Variants in MAGI2 observed in about 807,000 individuals in gnomAD.
The protein encoded by MAGI2 is membrane-associated guanylate kinase, WW and PDZ domain-containing protein 2.
In MAGI2, 35 loss-of-function variants were observed where a neutral mutation model predicts 133.3. The ratio of observed to expected loss-of-function variants is 0.26; its 90% CI spans 0.20 to 0.35. The LOEUF is 0.35. Ranked by LOEUF, MAGI2 falls within the 10% of genes least tolerant of loss-of-function variation. The pLI is 1.00. For missense variants in MAGI2, 1,636 were observed against 1,863.4 expected (o/e 0.88, Z 2.25); for synonymous variants, 729 against 710.6 (o/e 1.03, Z -0.41).
At chr7:79,228,429 G>A (rs1018796227) in intron 1 of MAGI2, among the ~76,000 whole-genome samples, 3 of 140,512 alleles carry the variant, frequency 2.1e-5, no homozygotes, top group African/African-American at 5.2e-5. Flanking sequence ...AAGTGTTTAC[G>A]TGCTGAGAGT....
At chr7:78,174,136 GT>G (rs1826370515) in intron 14 of MAGI2, among the ~76,000 whole-genome samples, 2 of 152,182 alleles carry the variant, frequency 1.3e-5, no homozygotes, top group African/African-American at 4.8e-5. Flanking sequence ...TCAGGTGACA[GT>G]TTTGACTTGG....
At chr7:78,379,836 C>A (rs1232106501) in intron 6 of MAGI2, among the ~76,000 whole-genome samples, 3 of 152,044 alleles carry the variant, frequency 2.0e-5, no homozygotes, top group South Asian at 2.1e-4. Context: ...AGAAATAGTG[C>A]AAACAATAAT....
intron 2 of MAGI2, among the ~76,000 whole-genome samples, chr7:78,891,428 A>C (rs922437888): frequency 2.0e-5 from 3 of 152,174 alleles, no homozygotes; most frequent in Non-Finnish European, 4.4e-5. Flanking sequence ...ACAACAGAAA[A>C]AGAGAATTTT....
chr7:79,224,789 G>A (rs946881477), intron 1 of MAGI2, among the ~76,000 whole-genome samples: 16 of 152,188 alleles, frequency 1.1e-4, no homozygotes, highest in African/African-American at 3.4e-4. Flanking sequence ...CAGAAAATCT[G>A]TCAGTGGTCA....
At chr7:79,369,163 G>C (rs1842911583) in intron 1 of MAGI2, among the ~76,000 whole-genome samples, 1 of 152,164 alleles carries the variant, frequency 6.6e-6, no homozygotes. Flanking sequence ...AAGGGCTTGA[G>C]AGCAGGCTTT....
chr7:78,875,466 G>A (rs1795346300), intron 2 of MAGI2, among the ~76,000 whole-genome samples: 2 of 152,134 alleles, frequency 1.3e-5, no homozygotes, highest in South Asian at 4.1e-4. Context: ...GACCCTCAGG[G>A]AGTCAGACTA....
At chr7:79,119,911 T>A (rs774128268) in intron 1 of MAGI2, among the ~76,000 whole-genome samples, 9 of 152,108 alleles carry the variant, frequency 5.9e-5, no homozygotes, top group Non-Finnish European at 1.3e-4. Flanking sequence ...ACTCTCTGAT[T>A]AAGAGCATTA....
intron 10 of MAGI2, among the ~76,000 whole-genome samples, chr7:78,213,206 T>C (rs1787941842): frequency 6.6e-6 from 1 of 152,202 alleles, no homozygotes; most frequent in Non-Finnish European, 1.5e-5. Flanking sequence ...GTCTTTCTAC[T>C]CAAGATGTGG....
intron 4 of MAGI2, among the ~76,000 whole-genome samples, chr7:78,506,336 T>G (rs1254431224): frequency 6.6e-6 from 1 of 152,008 alleles, no homozygotes; most frequent in East Asian, 1.9e-4. Context: ...GCACACTGAG[T>G]TAGAGGTTCA....
intron 1 of MAGI2, among the ~76,000 whole-genome samples, chr7:79,098,599 C>T (rs1207445831): frequency 6.6e-6 from 1 of 152,124 alleles, no homozygotes; most frequent in Non-Finnish European, 1.5e-5. Context: ...TTAAATAGAC[C>T]TTTACTTAGG....
chr7:79,026,105 C>T (rs911597253), intron 1 of MAGI2, among the ~76,000 whole-genome samples: 2 of 152,176 alleles, frequency 1.3e-5, no homozygotes, highest in African/African-American at 4.8e-5. Context: ...CACTTTTAGA[C>T]ATCTGAGGCT....
chr7:78,454,731 T>A (rs1789119031), intron 6 of MAGI2, among the ~76,000 whole-genome samples: 1 of 152,136 alleles, frequency 6.6e-6, no homozygotes, highest in Non-Finnish European at 1.5e-5. Flanking sequence ...AGAACATTAT[T>A]TAGAGATAAA....
rs1796642873 is a variant in MAGI2, at chr7:78,399,395, C to A, written c.1046-30182G>T. ...TTCGTGTTATATGCTGTGAAATGCACAAAAATGTTTTTGAACACAGTAGGA... is the reference window on the plus strand; with the variant it reads ...TTCGTGTTATATGCTGTGAAATGCAAAAAAATGTTTTTGAACACAGTAGGA... On this transcript the variant is annotated intron_variant, in intron 6 of 21. Coordinates refer to ENST00000354212, the MANE Select transcript of MAGI2 (RefSeq NM_012301.4). Among the ~76,000 whole-genome samples the A allele has an allele frequency of 2.6e-5, 4 of 152,186 alleles. No homozygotes were observed. The South Asian group carries it at 6.2e-4, about 24-fold the overall frequency.
intron 6 of MAGI2, among the ~76,000 whole-genome samples, chr7:78,396,847 T>C (rs1323992366): frequency 6.6e-6 from 1 of 152,082 alleles, no homozygotes; most frequent in East Asian, 1.9e-4. Context: ...GAGAGAGAAA[T>C]TTCTGTTCTT....
At chr7:78,440,278 C>G (rs1481767865) in intron 6 of MAGI2, among the ~76,000 whole-genome samples, 1 of 152,040 alleles carries the variant, frequency 6.6e-6, no homozygotes, top group Admixed American at 6.6e-5. Context: ...CTTTCATTTT[C>G]CACATTTTAC....
intron 1 of MAGI2, among the ~76,000 whole-genome samples, chr7:79,140,525 G>T (rs12706023): frequency 0.61 from 92,716 of 151,994 alleles, 34,330 homozygotes; most frequent in Non-Finnish European, 0.83. Flanking sequence ...CTAGATACAA[G>T]AAGTCATTTG....
intron 9 of MAGI2, among the ~76,000 whole-genome samples, chr7:78,327,677 C>T (rs1414982880): frequency 6.6e-6 from 1 of 152,176 alleles, no homozygotes; most frequent in East Asian, 1.9e-4. Context: ...AAAAATACCA[C>T]TCAATATCCC....
intron 1 of MAGI2, among the ~76,000 whole-genome samples, chr7:79,289,377 T>G (rs1836278910): frequency 6.6e-6 from 1 of 152,152 alleles, no homozygotes; most frequent in African/African-American, 2.4e-5. Context: ...ATTTTCTATG[T>G]TGGAAATCAT....
chr7:78,576,163 AAAC>A (rs1030476780), intron 3 of MAGI2, among the ~76,000 whole-genome samples: 13 of 152,146 alleles, frequency 8.5e-5, no homozygotes, highest in Admixed American at 6.5e-4. Context: ...AAAACAACAA[AAAC>A]AACAACAACA....
Sources: allele counts gnomAD v4.1 joint callset (sites outside exome capture counted in the v4.1 genomes callset), GRCh38; gene constraint gnomAD v4.1.1; transcripts MANE v1.5; gene names NCBI Gene and HGNC (gene_info 2026-07-23, HGNC 2026-07-21).